DOCK8: variants seen among roughly 807,000 people sequenced by gnomAD.
DOCK8 encodes dedicator of cytokinesis 8, also known as dedicator of cytokinesis protein 8.
Under a neutral mutation model 245.6 loss-of-function variants are expected in DOCK8, and 141 were observed. The ratio of observed to expected loss-of-function variants is 0.57; its 90% CI spans 0.50 to 0.66. The LOEUF is 0.66. Ranked by LOEUF, DOCK8 falls within the 30% of genes least tolerant of loss-of-function variation. The pLI is 0.00. For synonymous variants in DOCK8, 1,168 were observed against 970.2 expected (o/e 1.20, Z -3.79); for missense variants, 2,965 against 2,603.4 (o/e 1.14, Z -3.02).
chr9:421,646 C>T (rs2056284908), intron 32 of DOCK8, among the ~76,000 whole-genome samples: 1 of 152,166 alleles, frequency 6.6e-6, no homozygotes, highest in South Asian at 2.1e-4. Context: ...CAAAGTAAAA[C>T]AGAGTGACAG....
In DOCK8 at chr9:414,869, G is replaced by C. The variant is rs1338360395; in HGVS notation, c.3618G>C (p.Glu1206Asp). The C allele has an allele frequency of 6.2e-7, 1 of 1,614,212 alleles. No homozygotes were observed. Among genetic ancestry groups the C allele is most frequent in the Non-Finnish European group, 8.5e-7 (1 of 1,180,038 alleles). ...TGGACCCACGCTGTGTCAAACCAGA[G>C]GTGAAGGTCAAAATCGCCGCCCTTT... ...HDLDPRCVKPEVKVKIAALYL... is the reference protein window; with the variant it reads ...HDLDPRCVKPDVKVKIAALYL... Residue 1206 changes from glutamate to aspartate, a missense_variant, in exon 29 of 48, where the codon GAG (glutamate) becomes GAC (aspartate). Coordinates refer to ENST00000432829, the MANE Select transcript of DOCK8 (RefSeq NM_203447.4).
At chr9:365,163 A>G (rs2052921633) in intron 14 of DOCK8, among the ~76,000 whole-genome samples, 1 of 152,228 alleles carries the variant, frequency 6.6e-6, no homozygotes. Context: ...GACATAATTT[A>G]TTTTACATTT....
chr9:343,046 T>C (rs1401377222), intron 14 of DOCK8, among the ~76,000 whole-genome samples: 1 of 152,180 alleles, frequency 6.6e-6, no homozygotes, highest in African/African-American at 2.4e-5. Context: ...GAATTCCCAT[T>C]TTCCAGTTCC....
chr9:292,510 C>G (rs1278621758), intron 4 of DOCK8, among the ~76,000 whole-genome samples: 1 of 139,016 alleles, frequency 7.2e-6, no homozygotes, highest in Non-Finnish European at 1.5e-5. Context: ...TCTTTTTTTT[C>G]ATTTTCTTTT....
intron 1 of DOCK8, among the ~76,000 whole-genome samples, chr9:225,132 C>T (rs779313897): frequency 1.7e-4 from 26 of 151,762 alleles, no homozygotes; most frequent in Non-Finnish European, 3.5e-4. Flanking sequence ...ATTCAAAACA[C>T]AAACAGACAA....
intron 20 of DOCK8, among the ~76,000 whole-genome samples, chr9:379,005 C>T (rs1306829904): frequency 6.6e-6 from 1 of 152,126 alleles, no homozygotes; most frequent in African/African-American, 2.4e-5. Flanking sequence ...CTGAGATTCA[C>T]AGGGTCGGTA....
At chr9:279,797 C>G (rs1476349141) in intron 2 of DOCK8, among the ~76,000 whole-genome samples, 2 of 152,176 alleles carry the variant, frequency 1.3e-5, no homozygotes, top group African/African-American at 4.8e-5. Context: ...GATACAGGTG[C>G]GCCAGCTGGA....
At chr9:363,900 G>C (rs2052851906) in intron 14 of DOCK8, among the ~76,000 whole-genome samples, 1 of 152,132 alleles carries the variant, frequency 6.6e-6, no homozygotes, top group Non-Finnish European at 1.5e-5. Flanking sequence ...TGTGGTGAGA[G>C]CAGTCTGGCA....
At chr9:349,843 T>G (rs1308814011) in intron 14 of DOCK8, among the ~76,000 whole-genome samples, 1 of 152,246 alleles carries the variant, frequency 6.6e-6, no homozygotes, top group African/African-American at 2.4e-5. Context: ...AACCTTAGAA[T>G]TCTGATTCAT....
chr9:370,395 T>G (rs2053232941), intron 16 of DOCK8, 95 bp downstream of exon 16: 1 of 1,103,646 alleles, frequency 9.1e-7, no homozygotes, highest in Non-Finnish European at 1.4e-6. Flanking sequence ...TAACTATTTT[T>G]ATAATTCAGG....
intron 32 of DOCK8, 72 bp from the exon 33 acceptor site, chr9:421,976 G>T: frequency 1.5e-6 from 2 of 1,324,036 alleles, no homozygotes; most frequent in South Asian, 2.4e-5. Context: ...AGTTGAGCTT[G>T]TTATGAACTT....
At chr9:234,775 G>A (rs1327202798) in intron 1 of DOCK8, among the ~76,000 whole-genome samples, 1 of 151,730 alleles carries the variant, frequency 6.6e-6, no homozygotes, top group African/African-American at 2.4e-5. Context: ...TCTTTGCATT[G>A]GTTATTCTAG....
intron 1 of DOCK8, among the ~76,000 whole-genome samples, chr9:259,463 A>G (rs1480168891): frequency 1.3e-5 from 2 of 152,258 alleles, no homozygotes; most frequent in Non-Finnish European, 2.9e-5. Context: ...TAATAAGCAT[A>G]GTAACTAACA....
chr9:400,732 CACCACCACCAGCA>C, intron 26 of DOCK8, among the ~76,000 whole-genome samples: 1 of 123,720 alleles, frequency 8.1e-6, no homozygotes. Flanking sequence ...CCACCACCTC[CACCACCACCAGCA>C]TCTTCACCAT....
At chr9:289,875 C>T (rs2048968574) in intron 4 of DOCK8, among the ~76,000 whole-genome samples, 1 of 152,118 alleles carries the variant, frequency 6.6e-6, no homozygotes, top group Non-Finnish European at 1.5e-5. Context: ...GTTGTATATT[C>T]TATGGGTTTT....
intron 20 of DOCK8, among the ~76,000 whole-genome samples, chr9:377,787 C>T (rs980378260): frequency 5.3e-5 from 8 of 152,168 alleles, no homozygotes; most frequent in African/African-American, 1.9e-4. Context: ...AGAACTCATC[C>T]GTTCTCTCTT....
intron 14 of DOCK8, among the ~76,000 whole-genome samples, chr9:362,144 C>A (rs2052760007): frequency 6.6e-6 from 1 of 152,166 alleles, no homozygotes; most frequent in Admixed American, 6.5e-5. Flanking sequence ...ATTGGTCCTC[C>A]ATGTTCTCCT....
At chr9:423,539 G>A (rs186052474) in intron 33 of DOCK8, among the ~76,000 whole-genome samples, 1 of 152,288 alleles carries the variant, frequency 6.6e-6, no homozygotes, top group Admixed American at 6.5e-5. Context: ...TATCTTTATT[G>A]TTACCACAAG....
intron 3 of DOCK8, among the ~76,000 whole-genome samples, chr9:288,552 C>G (rs2048916125): frequency 6.6e-6 from 1 of 152,186 alleles, no homozygotes; most frequent in Non-Finnish European, 1.5e-5. Flanking sequence ...TAAGTGTAAA[C>G]TATTAATATC....
Sources: gnomAD v4.1 joint callset for allele counts (sites outside exome capture counted in the v4.1 genomes callset) on GRCh38, gnomAD v4.1.1 for gene constraint, MANE v1.5 for transcripts, NCBI Gene and HGNC (gene_info 2026-07-23, HGNC 2026-07-21) for gene names.